Variants in TFAP2D observed in about 807,000 individuals in gnomAD.
The protein encoded by TFAP2D is transcription factor AP-2-delta.
In TFAP2D, 9 loss-of-function variants were observed where a neutral mutation model predicts 43.6. That is an observed-to-expected ratio of 0.21 (90% CI 0.12 to 0.36). TFAP2D has a LOEUF of 0.36. Ranked by LOEUF, TFAP2D falls within the 10% of genes least tolerant of loss-of-function variation. TFAP2D has a pLI of 1.00. For missense variants in TFAP2D, 513 were observed against 561.4 expected, an observed-to-expected ratio of 0.91 and a Z score of 0.87; for synonymous variants, 256 against 224.9, an observed-to-expected ratio of 1.14 and a Z score of -1.24.
chr6:50,730,778 T>C (rs1318686834), intron 5 of TFAP2D, among the ~76,000 whole-genome samples: 2 of 152,092 alleles, frequency 1.3e-5, no homozygotes, highest in Non-Finnish European at 1.5e-5. Context: ...TCTGGGGTGA[T>C]GGCTTAGGCA....
chr6:50,772,437 G>A (rs1042439607), intron 7 of TFAP2D, among the ~76,000 whole-genome samples: 5 of 152,012 alleles, frequency 3.3e-5, no homozygotes, highest in Non-Finnish European at 7.4e-5. Context: ...CTCTATTAAC[G>A]ACAAGTCTTC....
intron 5 of TFAP2D, among the ~76,000 whole-genome samples, chr6:50,735,434 T>G (rs996731828): frequency 1.3e-5 from 2 of 152,138 alleles, no homozygotes; most frequent in Non-Finnish European, 1.5e-5. Flanking sequence ...TGAACAAGTT[T>G]CTTGAACTTT....
In TFAP2D at chr6:50,742,092, T is replaced by C. The variant is rs568040731; in HGVS notation, c.884-3015T>C. On this transcript the variant is annotated intron_variant, in intron 5 of 7. Transcript: ENST00000008391. ...ACATCTGTTGTAAAGGACTTAACTATAGATTTGTCATTGTTTCTGAATACC... is the reference window on the plus strand; with the variant it reads ...ACATCTGTTGTAAAGGACTTAACTACAGATTTGTCATTGTTTCTGAATACC... Among the ~76,000 whole-genome samples, 3 of 152,230 alleles carry C rather than the reference T, an allele frequency of 2.0e-5. No homozygotes were observed. The South Asian group carries it at 6.2e-4, about 32-fold the overall frequency.
At chr6:50,750,282 T>G (rs1769182325) in intron 6 of TFAP2D, among the ~76,000 whole-genome samples, 1 of 151,920 alleles carries the variant, frequency 6.6e-6, no homozygotes, top group African/African-American at 2.4e-5. Flanking sequence ...TTATTACATT[T>G]TTGCGACTGC....
intron 5 of TFAP2D, among the ~76,000 whole-genome samples, chr6:50,741,440 T>A (rs1047193802): frequency 5.3e-5 from 8 of 152,152 alleles, no homozygotes; most frequent in South Asian, 2.1e-4. Context: ...CTCCTCCCAC[T>A]CTCCACCCTC....
At chr6:50,724,782 C>T (rs551078020) in intron 3 of TFAP2D, among the ~76,000 whole-genome samples, 3 of 151,784 alleles carry the variant, frequency 2.0e-5, no homozygotes, top group Admixed American at 1.3e-4. Flanking sequence ...GTGTGTGTGT[C>T]GGCGGGGGGA....
intron 5 of TFAP2D, among the ~76,000 whole-genome samples, chr6:50,737,220 C>T (rs1021102527): frequency 6.6e-6 from 1 of 152,148 alleles, no homozygotes; most frequent in Non-Finnish European, 1.5e-5. Flanking sequence ...GACCCTTCCG[C>T]CTTGGCCTCC....
At chr6:50,722,765 G>T (rs762989239) in intron 3 of TFAP2D, among the ~76,000 whole-genome samples, 3 of 151,332 alleles carry the variant, frequency 2.0e-5, no homozygotes, top group Non-Finnish European at 4.4e-5. Flanking sequence ...GGTGGAAAGT[G>T]ACATTTTGGC....
At position 50,757,491 on chromosome 6, in the gene TFAP2D, AATATATATAATTATTCT is replaced by A. The variant is rs1769292847; in HGVS notation, c.1139+6175_1139+6191del. Among the ~76,000 whole-genome samples the A allele has an allele frequency of 5.2e-5, 5 of 96,280 alleles. 1 individual carries two copies. The highest frequency in any genetic ancestry group is 9.3e-5 in the Non-Finnish European group (5 of 53,700). The allele number at this position is 96,280 out of a possible 152,430, so 63.2% of individuals were successfully genotyped here. A position where few individuals can be genotyped will look rare whatever the true frequency, so the allele number is the denominator to read the frequency against. The stretch of plus-strand genomic sequence containing the variant: ...ATATATAATTATTCTATATATATAT[AATATATATAATTATTCT>A]ATATATAGAATACATATAATTATTC... On this transcript the variant is annotated intron_variant, in intron 7 of 7. Transcript: ENST00000008391.
intron 3 of TFAP2D, among the ~76,000 whole-genome samples, chr6:50,723,242 A>G (rs1768758207): frequency 6.6e-6 from 1 of 152,208 alleles, no homozygotes; most frequent in African/African-American, 2.4e-5. Flanking sequence ...TCTGCCCATA[A>G]CAGAGTAGAA....
In TFAP2D at chr6:50,772,663, T is replaced by C; in HGVS notation, c.1158T>C (p.Phe386=). 1 of 1,614,132 alleles carries C rather than the reference T, an allele frequency of 6.2e-7. No homozygotes were observed. Among genetic ancestry groups the C allele is most frequent in the South Asian group, 1.1e-5 (1 of 91,088 alleles). ...TTTCCAGTTTGATCACTCATGGCTT[T>C]GGGACTCCGGCAATATGTGCAGCTC... is the stretch of plus-strand genomic sequence containing the variant. ...LTHFSLITHG[F]GTPAICAALS... The change falls in exon 8 of 8, where the codon TTT becomes TTC. Residue 386 remains phenylalanine, a synonymous_variant. Coordinates refer to ENST00000008391, the MANE Select transcript of TFAP2D (RefSeq NM_172238.4).
At chr6:50,719,501 G>GAAA (rs3835214) in intron 3 of TFAP2D, among the ~76,000 whole-genome samples, 2 of 133,568 alleles carry the variant, frequency 1.5e-5, no homozygotes, top group East Asian at 4.4e-4. Flanking sequence ...AAGAAAGAAA[G>GAAA]AAGTTTCTCA....
chr6:50,758,406 C>T (rs1769319722), intron 7 of TFAP2D, among the ~76,000 whole-genome samples: 1 of 151,982 alleles, frequency 6.6e-6, no homozygotes, highest in Admixed American at 6.6e-5. Flanking sequence ...GCCTTCCTTC[C>T]ATTTCCCAAT....
intron 7 of TFAP2D, among the ~76,000 whole-genome samples, chr6:50,769,372 C>T (rs1017377212): frequency 3.3e-5 from 5 of 152,184 alleles, no homozygotes; most frequent in Non-Finnish European, 4.4e-5. Flanking sequence ...AAGTGCCTGA[C>T]GTCAAAGCCA....
intron 3 of TFAP2D, among the ~76,000 whole-genome samples, chr6:50,723,010 G>C (rs1768754107): frequency 6.6e-6 from 1 of 152,178 alleles, no homozygotes; most frequent in Non-Finnish European, 1.5e-5. Flanking sequence ...ATTGCCCGTG[G>C]CTACACAAAA....
At chr6:50,729,557 G>T (rs886706560) in intron 5 of TFAP2D, among the ~76,000 whole-genome samples, 2 of 152,086 alleles carry the variant, frequency 1.3e-5, no homozygotes, top group African/African-American at 4.8e-5. Flanking sequence ...TGGAGGTTTT[G>T]GGTACTTCTC....
intron 7 of TFAP2D, among the ~76,000 whole-genome samples, chr6:50,759,490 T>C (rs886361193): frequency 6.6e-6 from 1 of 152,082 alleles, no homozygotes; most frequent in Non-Finnish European, 1.5e-5. Flanking sequence ...TCATCTCATA[T>C]CTGCTTTTTA....
At chr6:50,714,164 T>TGGCGGCGGCGGC (rs1249056630) in intron 1 of TFAP2D, 70 bp downstream of exon 1, 2 of 1,519,148 alleles carry the variant, frequency 1.3e-6, no homozygotes, top group Non-Finnish European at 1.8e-6. Flanking sequence ...GTGGCGGCGG[T>TGGCGGCGGCGGC]GGCGGCGGCG....
Position 50,757,384 on chromosome 6 carries a change from T to A in TFAP2D, c.1139+6060T>A, listed in dbSNP as rs1338025374. Among the ~76,000 whole-genome samples, 31 of 134,284 alleles carry A rather than the reference T, an allele frequency of 2.3e-4. No individual in the cohort carries two copies. The East Asian group carries it at 3.5e-3, about 15-fold the overall frequency. The allele number at this position is 134,284 out of a possible 152,430, so 88.1% of individuals were successfully genotyped here. On this transcript the variant is annotated intron_variant, in intron 7 of 7. Transcript: ENST00000008391. ...ATTCTATATATAGAATACATGTAAT[T>A]ATTCTATATATAGAATATATAATTA...
Sources: gnomAD v4.1 joint callset for allele counts (sites outside exome capture counted in the v4.1 genomes callset) on GRCh38, gnomAD v4.1.1 for gene constraint, MANE v1.5 for transcripts, NCBI Gene and HGNC (gene_info 2026-07-23, HGNC 2026-07-21) for gene names.